BRMS1: variants seen among roughly 807,000 people sequenced by gnomAD.
The protein encoded by BRMS1 is breast cancer metastasis-suppressor 1.
In BRMS1, 26 loss-of-function variants were observed where a neutral mutation model predicts 40.4. The ratio of observed to expected loss-of-function variants is 0.64; its 90% CI spans 0.47 to 0.89. The LOEUF (loss-of-function observed/expected upper bound fraction) is 0.89. Among genes scored for constraint, BRMS1 ranks in the 40% least tolerant of loss-of-function variants. The pLI, the probability that BRMS1 is intolerant of heterozygous loss-of-function variation, is 0.00. For synonymous variants in BRMS1, 103 were observed against 116.0 expected, an observed-to-expected ratio of 0.89 and a Z score of 0.72; for missense variants, 289 against 309.4, an observed-to-expected ratio of 0.93 and a Z score of 0.49.
chr11:66,337,616 T>C lies in BRMS1; in HGVS notation c.*266A>G. The C allele has an allele frequency of 7.3e-7, 1 of 1,364,904 alleles. No homozygotes were observed. The highest frequency in any genetic ancestry group is 9.9e-7 in the Non-Finnish European group (1 of 1,006,242). The allele number at this position is 1,364,904 out of a possible 1,614,324, so 84.5% of individuals were successfully genotyped here. A position where few individuals can be genotyped will look rare whatever the true frequency, so the allele number is the denominator to read the frequency against. The stretch of plus-strand genomic sequence containing the variant: ...GCCCCAAGAGATGGATCTTCAGGAG[T>C]GGGAGGTGGCAGGCGGCTCAGGGAT... On this transcript the variant is annotated 3_prime_UTR_variant, in exon 10 of 10. Transcript: ENST00000359957.
Position 66,340,949 on chromosome 11 carries a change from G to A in BRMS1, c.438+18C>T. On this transcript the variant is annotated intron_variant, in intron 5 of 9. Coordinates refer to ENST00000359957, the MANE Select transcript of BRMS1 (RefSeq NM_015399.4). ...CTTTGTGCCCTGCCTCACCCCCAGT[G>A]TGCCCAATCAGGCCCACCTCCAGGT... is the stretch of plus-strand genomic sequence containing the variant. 3 of 1,614,024 alleles carry A rather than the reference G, an allele frequency of 1.9e-6. No individual in the cohort carries two copies. The highest frequency in any genetic ancestry group is 1.7e-5 in the Admixed American group (1 of 60,008).
Position 66,341,750 on chromosome 11 carries a change from G to GT in BRMS1, c.140-128dup, listed in dbSNP as rs1855084153. 4.8e-6 allele frequency: 4 copies of GT among 831,470 alleles called. No homozygotes were observed. The highest frequency in any genetic ancestry group is 8.2e-6 in the Non-Finnish European group (4 of 489,056). 51.5% of individuals were successfully genotyped at this position (831,470 alleles called of 1,614,324 possible). On this transcript the variant is annotated intron_variant, in intron 2 of 9. Transcript: ENST00000359957. The surrounding 1 kb of genome is among the most constrained non-coding windows in gnomAD (Gnocchi z 4.9). ...GTGTAGGGCCTGTGTGTGTGTGCGC[G>GT]TACATGCTTGTGTGAAGGGGCTGTG...
chr11:66,340,336 C>G (rs1156802794), intron 6 of BRMS1, 123 bp from the exon 7 acceptor site: 2 of 790,576 alleles, frequency 2.5e-6, no homozygotes, highest in East Asian at 5.3e-5. Flanking sequence ...CCACCCTGGG[C>G]TTGGGGTAGA....
Position 66,338,759 on chromosome 11 carries a change from C to T in BRMS1, c.655G>A (p.Glu219Lys). 6.3e-7 allele frequency: 1 copy of T among 1,584,290 alleles called. No homozygotes were observed. ...GTCCAGTCCTCCAGGATGTCGATCT[C>T]TTGAAGCATGTACACGATGTATGGG... ...SGPYIVYMLQ[E>K]IDILEDWTAI... The change falls in exon 8 of 10, where the codon GAG becomes AAG. Residue 219 changes from glutamate (E) to lysine (K), a missense_variant. By Grantham distance (56) the Glu-to-Lys change is moderately conservative. Transcript: ENST00000359957.
Position 66,344,480 on chromosome 11 carries a change from A to G in BRMS1, c.-8+492T>C, listed in dbSNP as rs1291471851. The G allele has an allele frequency of 2.6e-5, 4 of 152,186 alleles. No individual in the cohort carries two copies. In the East Asian group the frequency reaches 7.7e-4, roughly 29 times the overall value. The allele number at this position is 152,186 out of a possible 1,614,324, so 9.4% of individuals were successfully genotyped here. A position where few individuals can be genotyped will look rare whatever the true frequency, so the allele number is the denominator to read the frequency against. On this transcript the variant is annotated intron_variant, in intron 1 of 9. Transcript: ENST00000359957. The stretch of plus-strand genomic sequence containing the variant: ...ACATTTGCAATGCCTCTTCACTGTT[A>G]GTATATTCACTTTGTAAGATGCAGC...
rs1260509548 is a variant in BRMS1 at position 66,340,135 on chromosome 11, G to A, written c.614C>T (p.Ala205Val). The part of the protein sequence containing the change: ...DSLPPSKRKK[A>V]PLVSGPYIVY... ...TGAAAGGATACCAGAAACCAGAGGT[G>A]CCTTCTTCCTCTTGCTGGGCGGCAG... The change falls in exon 7 of 10, where the codon GCA becomes GTA. Residue 205 changes from alanine (A) to valine (V), a missense_variant. Ala to Val is a moderately conservative substitution (Grantham distance 64). Coordinates refer to ENST00000359957, the MANE Select transcript of BRMS1 (RefSeq NM_015399.4). The A allele has an allele frequency of 1.9e-6, 3 of 1,613,494 alleles. No homozygotes were observed. Among genetic ancestry groups the A allele is most frequent in the Non-Finnish European group, 2.5e-6 (3 of 1,179,906 alleles).
chr11:66,339,979 C>T (rs555865388), intron 7 of BRMS1, 142 bp downstream of exon 7: 2 of 642,250 alleles, frequency 3.1e-6, no homozygotes, highest in African/African-American at 3.6e-5. Context: ...CTGGATTTGC[C>T]TGGACATATT....
rs1197006278 is a variant in BRMS1 at position 66,338,738 on chromosome 11, A to G, written c.676T>C (p.Trp226Arg). 2 of 1,603,058 alleles carry G rather than the reference A, an allele frequency of 1.2e-6. No individual in the cohort carries two copies. The highest frequency in any genetic ancestry group is 1.7e-5 in the Admixed American group (1 of 58,538). The change falls in exon 8 of 10, where the codon TGG (tryptophan) becomes CGG (arginine). Residue 226 changes from tryptophan to arginine, a missense_variant. Trp to Arg is a moderately radical substitution (Grantham distance 101, BLOSUM62 -3). Coordinates refer to ENST00000359957, the MANE Select transcript of BRMS1 (RefSeq NM_015399.4). Reference protein sequence around the residue: ...MLQEIDILEDWTAIKKARAAV... With the variant: ...MLQEIDILEDRTAIKKARAAV... ...GCCCCCACCTTTTTGATGGCTGTCC[A>G]GTCCTCCAGGATGTCGATCTCTTGA...
At chr11:66,340,341 G>T (rs1385659800) in intron 6 of BRMS1, 128 bp from the exon 7 acceptor site, 2 of 743,328 alleles carry the variant, frequency 2.7e-6, no homozygotes, top group East Asian at 2.7e-5. Flanking sequence ...CTGGGCTTGG[G>T]GTAGAAGCCC....
chr11:66,338,965 C>T (rs1334357845), intron 7 of BRMS1, among the ~76,000 whole-genome samples, 180 bp from the exon 8 acceptor site: 2 of 152,086 alleles, frequency 1.3e-5, no homozygotes, highest in Non-Finnish European at 2.9e-5. Context: ...CGTCCTGGAA[C>T]CAAGTCTATG....
chr11:66,342,056 C>CTGTGTGTGTG lies in BRMS1; in HGVS notation c.139+30_139+39dup, dbSNP rs56854133. 1.9e-4 allele frequency: 285 copies of CTGTGTGTGTG among 1,490,670 alleles called. No homozygotes were observed. The South Asian group carries it at 2.0e-3, about 10-fold the overall frequency. 92.3% of individuals were successfully genotyped at this position (1,490,670 alleles called of 1,614,324 possible). A position where few individuals can be genotyped will look rare whatever the true frequency, so the allele number is the denominator to read the frequency against. ...GTGTGCATGTGTGTGTGTAGGGGCT[C>CTGTGTGTGTG]TGTGTGTGTGTGTGTGTGTCTGTGT... On this transcript the variant is annotated intron_variant, in intron 2 of 9. Transcript: ENST00000359957.
Position 66,344,289 on chromosome 11 carries a change from G to A in BRMS1, c.-8+683C>T, listed in dbSNP as rs184184450. On this transcript the variant is annotated intron_variant, in intron 1 of 9. Transcript: ENST00000359957. ...TTCGGTAGTCCCAGGTCCCTGTAATGGTAGCAAGCTTTCCTTGACACCAGT... is the reference window on the plus strand; with the variant it reads ...TTCGGTAGTCCCAGGTCCCTGTAATAGTAGCAAGCTTTCCTTGACACCAGT... Among the ~76,000 whole-genome samples the A allele has an allele frequency of 2.1e-3, 315 of 152,290 alleles. 1 individual carries two copies. Among genetic ancestry groups the A allele is most frequent in the Admixed American group, 3.4e-3 (52 of 15,290 alleles).
chr11:66,338,336 C>A, intron 8 of BRMS1, 54 bp from the exon 9 acceptor site: 2 of 1,566,288 alleles, frequency 1.3e-6, no homozygotes, highest in Admixed American at 3.8e-5. Flanking sequence ...GCTTGGCAAT[C>A]CCTGCCCCAC....
At chr11:66,344,632 G>A (rs1855162365) in intron 1 of BRMS1, 1 of 152,264 alleles carries the variant, frequency 6.6e-6, no homozygotes, top group Non-Finnish European at 1.5e-5. Flanking sequence ...TCTGAGTGTT[G>A]AGGAGCTCAC....
chr11:66,340,941 C>A (rs2134963401), intron 5 of BRMS1, 26 bp downstream of exon 5: 1 of 1,613,812 alleles, frequency 6.2e-7, no homozygotes, highest in Non-Finnish European at 8.5e-7. Context: ...CCCTGCCTCA[C>A]CCCCAGTGTG....
intron 7 of BRMS1, among the ~76,000 whole-genome samples, chr11:66,339,579 G>A (rs1855019698): frequency 6.6e-6 from 1 of 152,198 alleles, no homozygotes; most frequent in African/African-American, 2.4e-5. Context: ...CCCAGGGAAA[G>A]CTGGGGACCC....
chr11:66,343,418 G>T (rs1381636137), intron 1 of BRMS1, among the ~76,000 whole-genome samples: 1 of 152,212 alleles, frequency 6.6e-6, no homozygotes, highest in South Asian at 2.1e-4. Context: ...AAGTGTGAAT[G>T]TCTTTGACCT....
chr11:66,344,253 A>G (rs1403086135), intron 1 of BRMS1, among the ~76,000 whole-genome samples: 1 of 152,238 alleles, frequency 6.6e-6, no homozygotes, highest in Non-Finnish European at 1.5e-5. Flanking sequence ...GACAGACATT[A>G]GTTTTTACTT....
rs1163677774 is a variant in BRMS1, at chr11:66,337,743, G to C, written c.*139C>G. On this transcript the variant is annotated 3_prime_UTR_variant, in exon 10 of 10. Coordinates refer to ENST00000359957, the MANE Select transcript of BRMS1 (RefSeq NM_015399.4). The stretch of plus-strand genomic sequence containing the variant: ...TCCAGGCCAGTGCCAGATGGAGTGG[G>C]AGGGCCCAGCAGCACCACAGGAGCC... 4.3e-6 allele frequency: 7 copies of C among 1,612,862 alleles called. No individual in the cohort carries two copies. The highest frequency in any genetic ancestry group is 5.9e-6 in the Non-Finnish European group (7 of 1,179,708).
Sources: gnomAD v4.1 joint callset for allele counts (sites outside exome capture counted in the v4.1 genomes callset) on GRCh38, gnomAD v4.1.1 for gene constraint, Gnocchi (gnomAD v3.1) non-coding constraint, MANE v1.5 for transcripts, NCBI Gene and HGNC (gene_info 2026-07-23, HGNC 2026-07-21) for gene names.